The following INVS variants were observed in gnomAD, a reference collection of about 807,000 sequenced individuals.
INVS encodes the protein inversin, also known as inversion of embryo turning homolog.
INVS carries 86 observed loss-of-function variants against 108.8 expected under a neutral mutation model. The observed-to-expected ratio is 0.79, with a 90% confidence interval of 0.66 to 0.95. The LOEUF (loss-of-function observed/expected upper bound fraction) is 0.95. Among genes scored for constraint, INVS ranks in the 40% least tolerant of loss-of-function variants. The pLI is 0.00. For missense variants in INVS, 1,169 were observed against 1,297.4 expected (o/e 0.90, Z 1.52); for synonymous variants, 455 against 473.5 (o/e 0.96, Z 0.51).
rs139512645 is a variant in INVS, at chr9:100,104,662, G to A, written c.106+35G>A. 2,243 of 1,395,754 alleles carry A rather than the reference G, an allele frequency of 1.6e-3. 4 individuals carry two copies. The highest frequency in any genetic ancestry group is 1.9e-3 in the Non-Finnish European group (1,906 of 980,988). The allele number at this position is 1,395,754 out of a possible 1,614,324, so 86.5% of individuals were successfully genotyped here. ...CCCCTTAAGTACAGAAACTTTAAAAGCAACTGTTTGTCCTGAGGAAGTTTG... is the reference window on the plus strand; with the variant it reads ...CCCCTTAAGTACAGAAACTTTAAAAACAACTGTTTGTCCTGAGGAAGTTTG... On this transcript the variant is annotated intron_variant, in intron 2 of 16. Transcript: ENST00000262457.
At chr9:100,164,193 AAATT>A (rs1336881068) in intron 3 of INVS, among the ~76,000 whole-genome samples, 13 of 152,346 alleles carry the variant, frequency 8.5e-5, no homozygotes, top group South Asian at 4.1e-4. Context: ...TGGATTGACT[AAATT>A]AATTATGAGG....
At chr9:100,105,329 T>G (rs994674251) in intron 2 of INVS, among the ~76,000 whole-genome samples, 3 of 152,176 alleles carry the variant, frequency 2.0e-5, no homozygotes, top group Non-Finnish European at 4.4e-5. Flanking sequence ...CCTTCCGACT[T>G]TGTTTTTACC....
chr9:100,283,729 C>T (rs973939789), intron 12 of INVS, among the ~76,000 whole-genome samples: 1 of 152,168 alleles, frequency 6.6e-6, no homozygotes, highest in Admixed American at 6.5e-5. Context: ...TGAAAATCAC[C>T]CTACCTTCTG....
chr9:100,234,693 C>A (rs1831623495), intron 5 of INVS, among the ~76,000 whole-genome samples: 1 of 152,184 alleles, frequency 6.6e-6, no homozygotes, highest in African/African-American at 2.4e-5. Context: ...GTTTCTTAAT[C>A]CTGAGTTCTA....
rs145243134 is a variant in INVS, at chr9:100,252,936, G to C, written c.1264G>C (p.Asp422His). ...AGCAAGGGTAGATCTAGTTGACCAAGATGGACATTCTCTTCTACATTGGGC... is the reference window on the plus strand; with the variant it reads ...AGCAAGGGTAGATCTAGTTGACCAACATGGACATTCTCTTCTACATTGGGC... ...GGARVDLVDQ[D>H]GHSLLHWAAL... The change falls in exon 10 of 17, where the codon GAT becomes CAT. Residue 422 changes from aspartate (D) to histidine (H), a missense_variant. By Grantham distance (81) the Asp-to-His change is moderately conservative. This residue lies in a region of INVS where 271 missense variants were observed against 363.8 expected (regional missense o/e 0.74). Coordinates refer to ENST00000262457, the MANE Select transcript of INVS (RefSeq NM_014425.5). 344 of 1,613,546 alleles carry C rather than the reference G, an allele frequency of 2.1e-4. No homozygotes were observed. The highest frequency in any genetic ancestry group is 2.7e-4 in the Non-Finnish European group (322 of 1,179,790).
In INVS at chr9:100,229,533, A is replaced by C. The variant is rs560908045; in HGVS notation, c.448-127A>C. ...TTGAACACAGAGACCTGAAATCATG[A>C]AAAGTGAAAACAAAGATACAGGGCA... On this transcript the variant is annotated intron_variant, in intron 4 of 16. Transcript: ENST00000262457. 74 of 783,544 alleles carry C rather than the reference A, an allele frequency of 9.4e-5. No individual in the cohort carries two copies. In the South Asian group the frequency reaches 1.1e-3, roughly 11 times the overall value. 48.5% of individuals were successfully genotyped at this position (783,544 alleles called of 1,614,324 possible). A position where few individuals can be genotyped will look rare whatever the true frequency, so the allele number is the denominator to read the frequency against.
chr9:100,126,670 A>G (rs910500742), intron 3 of INVS, 121 bp downstream of exon 3: 20 of 955,790 alleles, frequency 2.1e-5, no homozygotes, highest in Non-Finnish European at 3.1e-5. Context: ...TAGGTTTTAT[A>G]TATTTTCTCT....
chr9:100,222,277 T>C (rs939833479), intron 3 of INVS, among the ~76,000 whole-genome samples: 1 of 152,218 alleles, frequency 6.6e-6, no homozygotes, highest in Non-Finnish European at 1.5e-5. Flanking sequence ...TTTACAAATA[T>C]CATTTGTCTC....
chr9:100,238,313 C>T (rs953354878), intron 5 of INVS, among the ~76,000 whole-genome samples: 1 of 152,088 alleles, frequency 6.6e-6, no homozygotes, highest in African/African-American at 2.4e-5. Flanking sequence ...TTTATTATTG[C>T]TCTTAAGGAG....
intron 3 of INVS, among the ~76,000 whole-genome samples, chr9:100,154,838 G>A (rs1043775266): frequency 4.6e-5 from 7 of 152,136 alleles, no homozygotes; most frequent in East Asian, 1.9e-4. Flanking sequence ...CACAGGGATC[G>A]AAGCTAGTCT....
At position 100,291,410 on chromosome 9, in the gene INVS, G is replaced by C. The variant is rs117778809; in HGVS notation, c.2069-916G>C. Reference sequence around the variant, plus strand: ...TGTTTTTCAAATCTATCCTTTTCTCGTATTTTAAACTTCTTTTGTGTGTTT... The same window carrying C: ...TGTTTTTCAAATCTATCCTTTTCTCCTATTTTAAACTTCTTTTGTGTGTTT... On this transcript the variant is annotated intron_variant, in intron 13 of 16. Coordinates refer to ENST00000262457, the MANE Select transcript of INVS (RefSeq NM_014425.5). Among the ~76,000 whole-genome samples, 818 of 152,172 alleles carry C rather than the reference G, an allele frequency of 5.4e-3. 2 individuals carry two copies. The highest frequency in any genetic ancestry group is 0.017 in the Middle Eastern group (5 of 294).
intron 3 of INVS, among the ~76,000 whole-genome samples, chr9:100,163,672 G>A (rs921639557): frequency 6.6e-6 from 1 of 152,120 alleles, no homozygotes; most frequent in South Asian, 2.1e-4. Context: ...GGTGATCAGG[G>A]TAGACCTCAC....
intron 5 of INVS, 100 bp downstream of exon 5, chr9:100,229,927 T>A: frequency 8.8e-7 from 1 of 1,140,206 alleles, no homozygotes; most frequent in Non-Finnish European, 1.3e-6. Flanking sequence ...ACAAGCAAAT[T>A]ATTAAGCAAA....
chr9:100,181,981 T>A (rs182049667), intron 3 of INVS, among the ~76,000 whole-genome samples: 2 of 152,228 alleles, frequency 1.3e-5, no homozygotes, highest in South Asian at 4.1e-4. Flanking sequence ...AACCATCTAA[T>A]CTTTGACAAA....
chr9:100,212,562 G>GA (rs553638025), intron 3 of INVS, among the ~76,000 whole-genome samples: 138 of 144,844 alleles, frequency 9.5e-4, no homozygotes, highest in African/African-American at 2.4e-3. Flanking sequence ...CTCCACTTTA[G>GA]AAAAAAAAAA....
chr9:100,294,670 A>C (rs1273668126), intron 14 of INVS, among the ~76,000 whole-genome samples: 2 of 152,094 alleles, frequency 1.3e-5, no homozygotes, highest in Admixed American at 1.3e-4. Context: ...TAGTGAAGTT[A>C]GTTTTTGCTG....
chr9:100,226,108 G>A lies in INVS; in HGVS notation c.320G>A (p.Trp107Ter), dbSNP rs776737973. The change falls in exon 4 of 17, where the codon TGG becomes TAG. Residue 107 changes from tryptophan (W) to a stop codon, truncating the protein, a stop_gained. Coordinates refer to ENST00000262457, the MANE Select transcript of INVS (RefSeq NM_014425.5). LOFTEE classifies it high-confidence loss of function. ...CTCTTACTTACACGCAGAGCAAACT[G>A]GATGCAAAAGGATCTGGAAGAGATG... is the stretch of plus-strand genomic sequence containing the variant. ...MKLLLTRRAN[W>*]MQKDLEEMTP... The A allele has an allele frequency of 6.2e-7, 1 of 1,613,564 alleles. No individual in the cohort carries two copies. Among genetic ancestry groups the A allele is most frequent in the Admixed American group, 1.7e-5 (1 of 59,954 alleles).
intron 13 of INVS, among the ~76,000 whole-genome samples, chr9:100,287,310 A>G (rs1371310655): frequency 6.6e-6 from 1 of 152,116 alleles, no homozygotes; most frequent in Non-Finnish European, 1.5e-5. Context: ...TGAGAAATAG[A>G]CTCTAGAATT....
At chr9:100,248,542 G>A (rs1832119601) in intron 8 of INVS, among the ~76,000 whole-genome samples, 1 of 151,582 alleles carries the variant, frequency 6.6e-6, no homozygotes, top group African/African-American at 2.4e-5. Context: ...TTTAGATCCT[G>A]ACTTAAATAA....
Sources: allele counts gnomAD v4.1 joint callset (sites outside exome capture counted in the v4.1 genomes callset), GRCh38; gene constraint gnomAD v4.1.1; regional missense constraint gnomAD v4.1.1; transcripts MANE v1.5; gene names NCBI Gene and HGNC (gene_info 2026-07-23, HGNC 2026-07-21).